ZDHHC21: variants seen among roughly 807,000 people sequenced by gnomAD.
The protein encoded by ZDHHC21 is palmitoyltransferase ZDHHC21.
ZDHHC21 carries 15 observed loss-of-function variants against 34.6 expected under a neutral mutation model. The observed-to-expected ratio is 0.43, with a 90% CI of 0.29 to 0.67. ZDHHC21 has a LOEUF of 0.67. Ranked by LOEUF, ZDHHC21 falls within the 30% of genes least tolerant of loss-of-function variation. The pLI, the probability that ZDHHC21 is intolerant of heterozygous loss-of-function variation, is 0.14. For missense variants in ZDHHC21, 344 were observed against 327.7 expected (o/e 1.05, Z -0.38); for synonymous variants, 142 against 101.8 (o/e 1.40, Z -2.38).
At chr9:14,678,063 G>A (rs1208438146) in intron 3 of ZDHHC21, among the ~76,000 whole-genome samples, 1 of 152,046 alleles carries the variant, frequency 6.6e-6, no homozygotes, top group Non-Finnish European at 1.5e-5. Context: ...CATGCCTCCT[G>A]TCTGAAATGT....
chr9:14,685,346 C>G (rs1371688735), intron 2 of ZDHHC21, among the ~76,000 whole-genome samples: 3 of 151,688 alleles, frequency 2.0e-5, no homozygotes, highest in Admixed American at 6.6e-5. Flanking sequence ...AGAACTCAAA[C>G]AAATTTACAA....
intron 5 of ZDHHC21, among the ~76,000 whole-genome samples, chr9:14,667,325 G>T (rs1427039482): frequency 2.0e-5 from 3 of 149,876 alleles, no homozygotes; most frequent in Admixed American, 2.0e-4. Context: ...CTGAATAGAC[G>T]AATAACAGGA....
At chr9:14,692,460 C>T (rs4237135) in intron 1 of ZDHHC21, among the ~76,000 whole-genome samples, 1 of 152,096 alleles carries the variant, frequency 6.6e-6, no homozygotes. Context: ...TTTTTCTCTT[C>T]TACTTTTAGA....
At chr9:14,646,807 A>AT (rs955542546) in intron 7 of ZDHHC21, among the ~76,000 whole-genome samples, 1 of 151,870 alleles carries the variant, frequency 6.6e-6, no homozygotes, top group Non-Finnish European at 1.5e-5. Context: ...GCTGTATTTT[A>AT]TTTTTTTCAT....
intron 5 of ZDHHC21, among the ~76,000 whole-genome samples, chr9:14,665,872 G>C (rs375808364): frequency 2.0e-4 from 30 of 150,202 alleles, no homozygotes; most frequent in African/African-American, 6.8e-4. Context: ...AAGGAACAAC[G>C]GGTACCAGCC....
At position 14,638,171 on chromosome 9, in the gene ZDHHC21, CAGACACAT is replaced by C. The variant is rs994471087; in HGVS notation, c.621+1717_621+1724del. Among the ~76,000 whole-genome samples the C allele has an allele frequency of 3.3e-5, 5 of 152,078 alleles. No homozygotes were observed. The South Asian group carries it at 8.3e-4, about 25-fold the overall frequency. On this transcript the variant is annotated intron_variant, in intron 8 of 9. Transcript: ENST00000380916. ...AAATAGCATAGTATCTGTATAAAAGCAGACACATAGACACACAGACCAAGGGAACAGAA... is the reference window on the plus strand; with the variant it reads ...AAATAGCATAGTATCTGTATAAAAGCAGACACACAGACCAAGGGAACAGAA...
intron 7 of ZDHHC21, among the ~76,000 whole-genome samples, chr9:14,646,940 A>C (rs1830366903): frequency 6.6e-6 from 1 of 152,138 alleles, no homozygotes; most frequent in African/African-American, 2.4e-5. Flanking sequence ...CCTGGAATGT[A>C]GAATCAGCTC....
At position 14,684,677 on chromosome 9, in the gene ZDHHC21, T is replaced by C. The variant is rs558020702; in HGVS notation, c.-175-4515A>G. Among the ~76,000 whole-genome samples the C allele has an allele frequency of 6.9e-4, 105 of 152,146 alleles. 1 individual carries two copies. Among genetic ancestry groups the C allele is most frequent in the African/African-American group, 2.5e-3 (104 of 41,488 alleles). ...CATCCCCATCAAGCTACCAATGCCT[T>C]TCTTCACAGAATTGGAAAAAACTAC... On this transcript the variant is annotated intron_variant, in intron 2 of 9. Transcript: ENST00000380916.
chr9:14,590,680 A>C, the ZDHHC21 span, among the ~76,000 whole-genome samples: 1 of 152,114 alleles, frequency 6.6e-6, no homozygotes. Flanking sequence ...GTGAAAGAAA[A>C]ATTTTTCAGA....
At chr9:14,650,067 T>G (rs1420277101) in intron 7 of ZDHHC21, among the ~76,000 whole-genome samples, 1 of 152,026 alleles carries the variant, frequency 6.6e-6, no homozygotes, top group African/African-American at 2.4e-5. Context: ...TGGAAACATG[T>G]TTAATGAGGA....
At chr9:14,684,918 T>A (rs1351433306) in intron 2 of ZDHHC21, among the ~76,000 whole-genome samples, 1 of 152,180 alleles carries the variant, frequency 6.6e-6, no homozygotes, top group Non-Finnish European at 1.5e-5. Context: ...AACCACCTGA[T>A]CTTTGACAAA....
intron 2 of ZDHHC21, chr9:14,683,749 A>C (rs1310969964): frequency 6.6e-6 from 1 of 152,218 alleles, no homozygotes; most frequent in African/African-American, 2.4e-5. Context: ...ACGCAACAAA[A>C]AAAGAGAATT....
chr9:14,656,191 C>T (rs912680157), intron 7 of ZDHHC21, among the ~76,000 whole-genome samples: 1 of 151,864 alleles, frequency 6.6e-6, no homozygotes, highest in African/African-American at 2.4e-5. Flanking sequence ...AACTACTGAA[C>T]ATTCATTTGC....
At chr9:14,644,125 G>C (rs945182691) in intron 7 of ZDHHC21, among the ~76,000 whole-genome samples, 3 of 152,082 alleles carry the variant, frequency 2.0e-5, no homozygotes, top group African/African-American at 7.2e-5. Context: ...ATTTAATTCA[G>C]CAATTTCCTG....
intron 5 of ZDHHC21, among the ~76,000 whole-genome samples, chr9:14,670,542 T>C (rs541473646): frequency 6.6e-6 from 1 of 152,206 alleles, no homozygotes; most frequent in Admixed American, 6.5e-5. Context: ...GGAGTTGTAA[T>C]AGAGACTGTA....
In ZDHHC21 at chr9:14,618,962, C is replaced by T; in HGVS notation, c.*4G>A. Reference sequence around the variant, plus strand: ...GGACCCATCTGTGCCCACCATCCATCTGTTTAGACATGATTGGCAAAGTGG... The same window carrying T: ...GGACCCATCTGTGCCCACCATCCATTTGTTTAGACATGATTGGCAAAGTGG... On this transcript the variant is annotated 3_prime_UTR_variant, in exon 10 of 10. Coordinates refer to ENST00000380916, the MANE Select transcript of ZDHHC21 (RefSeq NM_178566.6). 6.3e-7 allele frequency: 1 copy of T among 1,592,792 alleles called. No homozygotes were observed. Among genetic ancestry groups the T allele is most frequent in the East Asian group, 2.3e-5 (1 of 43,900 alleles).
chr9:14,638,287 AAC>A (rs1236714770), intron 8 of ZDHHC21, among the ~76,000 whole-genome samples: 1 of 152,040 alleles, frequency 6.6e-6, no homozygotes, highest in Admixed American at 6.6e-5. Context: ...GGGGGAAAAA[AAC>A]AGTCTTTTGA....
chr9:14,627,478 A>C (rs1389782794), intron 8 of ZDHHC21, among the ~76,000 whole-genome samples: 5 of 152,138 alleles, frequency 3.3e-5, no homozygotes, highest in African/African-American at 1.2e-4. Flanking sequence ...AAATGCAAAA[A>C]TCACTATTTT....
chr9:14,610,640 G>A (rs1318090617), downstream of ZDHHC21, among the ~76,000 whole-genome samples: 1 of 151,856 alleles, frequency 6.6e-6, no homozygotes, highest in Non-Finnish European at 1.5e-5. Flanking sequence ...CAACTTCATA[G>A]GAGCACAGGC....
Sources: allele counts gnomAD v4.1 joint callset (sites outside exome capture counted in the v4.1 genomes callset), GRCh38; gene constraint gnomAD v4.1.1; transcripts MANE v1.5; gene names NCBI Gene and HGNC (gene_info 2026-07-23, HGNC 2026-07-21).